UBAP2: variants seen among roughly 807,000 people sequenced by gnomAD.
The protein encoded by UBAP2 is ubiquitin associated protein 2.
A neutral mutation model predicts 139.6 loss-of-function variants in UBAP2; 75 were observed. The ratio of observed to expected loss-of-function variants is 0.54; its 90% CI spans 0.45 to 0.65. The LOEUF is 0.65. Ranked by LOEUF, UBAP2 falls within the 30% of genes least tolerant of loss-of-function variation. UBAP2 has a pLI of 0.00. For synonymous variants in UBAP2, 526 were observed against 526.2 expected, an observed-to-expected ratio of 1.00 and a Z score of 0.01; for missense variants, 1,368 against 1,369.6, an observed-to-expected ratio of 1.00 and a Z score of 0.02.
chr9:33,971,741 C>A lies in UBAP2; in HGVS notation c.589G>T (p.Ala197Ser), dbSNP rs769882861. The A allele has an allele frequency of 1.9e-6, 3 of 1,604,386 alleles. No homozygotes were observed. The highest frequency in any genetic ancestry group is 2.7e-5 in the African/African-American group (2 of 74,718). ...GTAGATGTAGAATCTGAATAGTCTG[C>A]AGGATTAAATGTCCTGGGGTTTGAA... ...STQGMGTFNPADYSDSTSTDV... is the reference protein window; with the variant it reads ...STQGMGTFNPSDYSDSTSTDV... Residue 197 changes from alanine to serine, a missense_variant, in exon 8 of 29, where the codon GCA becomes TCA. Coordinates refer to ENST00000379238, the MANE Select transcript of UBAP2 (RefSeq NM_001370062.2).
chr9:33,960,787 A>C, intron 10 of UBAP2, 39 bp downstream of exon 10: 2 of 1,586,060 alleles, frequency 1.3e-6, no homozygotes, highest in Non-Finnish European at 1.7e-6. Context: ...TTTCAAAAAA[A>C]AAAAAAAAGA....
intron 1 of UBAP2, among the ~76,000 whole-genome samples, chr9:34,039,171 G>A (rs1032075436): frequency 2.4e-4 from 36 of 150,164 alleles, no homozygotes; most frequent in Non-Finnish European, 1.3e-4. Flanking sequence ...CCAGCCAGCC[G>A]CCCCTTCCGG....
intron 6 of UBAP2, among the ~76,000 whole-genome samples, chr9:33,976,043 C>A (rs1235083012): frequency 6.6e-6 from 1 of 151,986 alleles, no homozygotes; most frequent in Admixed American, 6.6e-5. Context: ...AAGCGAGATG[C>A]CACCTCTACA....
Position 33,948,398 on chromosome 9 carries a change from G to C in UBAP2, c.1246C>G (p.Gln416Glu). Residue 416 changes from glutamine (Q) to glutamate (E), a missense_variant, in exon 13 of 29, where the codon CAG (glutamine) becomes GAG (glutamate). By Grantham distance (29) the Gln-to-Glu change is conservative. Transcript: ENST00000379238. ...CCAAGATGACTGAGGACTGAGGACTGGGATGTTGGGGGCTTGAGGTCCCAA... is the reference window on the plus strand; with the variant it reads ...CCAAGATGACTGAGGACTGAGGACTCGGATGTTGGGGGCTTGAGGTCCCAA... ...TSWDLKPPTS[Q>E]SSVLSHLDFK... 1 of 1,613,020 alleles carries C rather than the reference G, an allele frequency of 6.2e-7. No individual in the cohort carries two copies. The highest frequency in any genetic ancestry group is 8.5e-7 in the Non-Finnish European group (1 of 1,179,182).
rs541978364 is a variant in UBAP2 at position 33,996,316 on chromosome 9, C to T, written c.195G>A (p.Gly65=). 1.2e-6 allele frequency: 2 copies of T among 1,613,372 alleles called. No homozygotes were observed. Among genetic ancestry groups the T allele is most frequent in the South Asian group, 1.1e-5 (1 of 91,056 alleles). The change falls in exon 4 of 29, where the codon GGG becomes GGA. Residue 65 remains glycine, a synonymous_variant. Transcript: ENST00000379238. The part of the protein sequence containing the change: ...AKVKQLMEVT[G]KNQDECIVAL... ...CCACTATGCATTCATCCTGATTTTT[C>T]CCTGTCACTTCCATAAGCTAGTGAA...
intron 2 of UBAP2, among the ~76,000 whole-genome samples, chr9:34,009,219 C>G (rs1823525912): frequency 6.6e-6 from 1 of 151,736 alleles, no homozygotes; most frequent in Non-Finnish European, 1.5e-5. Flanking sequence ...TGTGCCTCAC[C>G]CTTCAAGTAG....
rs1462866336 is a variant in UBAP2 at position 34,046,560 on chromosome 9, C to A, written c.-42+2265G>T. ...TCGGGAGGCTGAGCCAGGAGAATGG[C>A]GTGAACCCGGGAGGCGGAGCTTGCA... On this transcript the variant is annotated intron_variant, in intron 1 of 28. Coordinates refer to ENST00000379238, the MANE Select transcript of UBAP2 (RefSeq NM_001370062.2). Among the ~76,000 whole-genome samples the A allele has an allele frequency of 3.4e-5, 5 of 145,668 alleles. No homozygotes were observed. In the East Asian group the frequency reaches 1.0e-3, roughly 29 times the overall value.
chr9:34,047,354 C>A (rs897370420), intron 1 of UBAP2, among the ~76,000 whole-genome samples: 6 of 152,144 alleles, frequency 3.9e-5, no homozygotes, highest in African/African-American at 1.4e-4. Flanking sequence ...ACAACCCTAG[C>A]GAAGGGGCTC....
Position 33,922,474 on chromosome 9 carries a change from C to G in UBAP2, c.*30G>C. 6.2e-7 allele frequency: 1 copy of G among 1,605,810 alleles called. No homozygotes were observed. The highest frequency in any genetic ancestry group is 8.5e-7 in the Non-Finnish European group (1 of 1,175,124). ...GTGTTCTCTCCTGCCCAGGATAAGC[C>G]TTGCCCCAGCCCACCCCTCTCTTCT... On this transcript the variant is annotated 3_prime_UTR_variant, in exon 29 of 29. Coordinates refer to ENST00000379238, the MANE Select transcript of UBAP2 (RefSeq NM_001370062.2).
intron 8 of UBAP2, among the ~76,000 whole-genome samples, chr9:33,966,199 C>A (rs1827438026): frequency 6.6e-6 from 1 of 151,558 alleles, no homozygotes; most frequent in Non-Finnish European, 1.5e-5. Context: ...TGTAATCTCA[C>A]CACTTTGGGA....
chr9:33,952,919 G>A (rs189960359), intron 12 of UBAP2: 25 of 157,712 alleles, frequency 1.6e-4, no homozygotes, highest in Admixed American at 1.4e-3. Flanking sequence ...ACCCAGCCTG[G>A]AGTACAGAGG....
intron 2 of UBAP2, among the ~76,000 whole-genome samples, chr9:34,007,691 T>G (rs1318672737): frequency 6.6e-6 from 1 of 150,568 alleles, no homozygotes; most frequent in African/African-American, 2.4e-5. Context: ...CAGGCTGGAG[T>G]GCAGTGGAGT....
intron 28 of UBAP2, 23 bp from the exon 29 acceptor site, chr9:33,922,622 G>C: frequency 6.2e-7 from 1 of 1,608,704 alleles, no homozygotes; most frequent in Non-Finnish European, 8.5e-7. Flanking sequence ...AGAAGGGAAG[G>C]CTGTCAAGGC....
rs572865949 is a variant in UBAP2, at chr9:33,985,133, A to C, written c.520+1627T>G. On this transcript the variant is annotated intron_variant, in intron 6 of 28. Transcript: ENST00000379238. ...GCAGATATTTATACAAAGAAAAGGAAACCAATAGTGCTTCATGTTTGCCAG... is the reference window on the plus strand; with the variant it reads ...GCAGATATTTATACAAAGAAAAGGACACCAATAGTGCTTCATGTTTGCCAG... Among the ~76,000 whole-genome samples the C allele has an allele frequency of 1.2e-4, 18 of 152,284 alleles. No individual in the cohort carries two copies. In the East Asian group the frequency reaches 3.5e-3, roughly 29 times the overall value.
chr9:33,928,058 G>A, intron 19 of UBAP2, 66 bp from the exon 20 acceptor site: 13 of 1,506,832 alleles, frequency 8.6e-6, no homozygotes, highest in Non-Finnish European at 1.1e-5. Context: ...GGGAGAGCCT[G>A]GCCTGGCGCT....
In UBAP2 at chr9:33,938,206, C is replaced by T. The variant is rs552471742; in HGVS notation, c.1930-2328G>A. On this transcript the variant is annotated intron_variant, in intron 16 of 28. Transcript: ENST00000379238. ...GCAGGGTCTCATCATGTTGTCCAGT[C>T]TGGTTGTGAACTCCTGGGCTCAAGT... Among the ~76,000 whole-genome samples the T allele has an allele frequency of 7.2e-5, 11 of 152,144 alleles. No individual in the cohort carries two copies. In the South Asian group the frequency reaches 2.1e-3, roughly 29 times the overall value.
At chr9:33,980,559 TAAAC>T (rs1484032714) in intron 6 of UBAP2, among the ~76,000 whole-genome samples, 1 of 151,998 alleles carries the variant, frequency 6.6e-6, no homozygotes, top group African/African-American at 2.4e-5. Flanking sequence ...TTCTAATACA[TAAAC>T]ACACTCAACT....
intron 13 of UBAP2, among the ~76,000 whole-genome samples, chr9:33,946,992 T>C (rs1825699671): frequency 6.6e-6 from 1 of 152,202 alleles, no homozygotes; most frequent in Admixed American, 6.5e-5. Context: ...ACTAACCTAT[T>C]AAGAGTGGCT....
At chr9:34,019,402 G>T (rs939881691) in intron 1 of UBAP2, among the ~76,000 whole-genome samples, 3 of 151,918 alleles carry the variant, frequency 2.0e-5, no homozygotes, top group African/African-American at 7.3e-5. Flanking sequence ...AACTCTCGGG[G>T]CAAGGGGTAA....
Sources: allele counts gnomAD v4.1 joint callset (sites outside exome capture counted in the v4.1 genomes callset), GRCh38; gene constraint gnomAD v4.1.1; transcripts MANE v1.5; gene names NCBI Gene and HGNC (gene_info 2026-07-23, HGNC 2026-07-21).